Variants in SNTB1 observed in about 807,000 individuals in gnomAD.
SNTB1 encodes the protein syntrophin beta 1.
Under a neutral mutation model 48.9 loss-of-function variants are expected in SNTB1, and 36 were observed. The observed-to-expected ratio is 0.74, with a 90% CI of 0.56 to 0.97. SNTB1 has a LOEUF of 0.97. SNTB1 is among the 50% of genes least tolerant of loss of function. SNTB1 has a pLI of 0.00. For missense variants in SNTB1, 786 were observed against 703.4 expected, an observed-to-expected ratio of 1.12 and a Z score of -1.33; for synonymous variants, 299 against 294.6, an observed-to-expected ratio of 1.01 and a Z score of -0.15.
chr8:120,640,783 T>G (rs1817181533), intron 2 of SNTB1, among the ~76,000 whole-genome samples: 1 of 152,230 alleles, frequency 6.6e-6, no homozygotes, highest in Admixed American at 6.5e-5. Flanking sequence ...AGTTTGCCAG[T>G]ATTTTATTGA....
intron 2 of SNTB1, among the ~76,000 whole-genome samples, chr8:120,683,158 G>C (rs1261530072): frequency 6.6e-6 from 1 of 152,128 alleles, no homozygotes; most frequent in African/African-American, 2.4e-5. Context: ...TGGGATTACA[G>C]GCGTGAGCCA....
chr8:120,599,410 T>A lies in SNTB1; in HGVS notation c.997-24185A>T, dbSNP rs142152653. Reference sequence around the variant, plus strand: ...CCTTGTGTGCACATGCAGATTTTTTTAAAATATTTCTGAAGCTAATTGCTG... The same window carrying A: ...CCTTGTGTGCACATGCAGATTTTTTAAAAATATTTCTGAAGCTAATTGCTG... On this transcript the variant is annotated intron_variant, in intron 3 of 6. Coordinates refer to ENST00000517992, the MANE Select transcript of SNTB1 (RefSeq NM_021021.4). 2.1e-3 allele frequency among the ~76,000 whole-genome samples: 320 copies of A among 152,410 alleles called. 3 individuals are homozygous for A. Among genetic ancestry groups the A allele is most frequent in the African/African-American group, 6.8e-3 (281 of 41,600 alleles).
intron 2 of SNTB1, among the ~76,000 whole-genome samples, chr8:120,689,663 T>C (rs1016105737): frequency 1.3e-5 from 2 of 152,168 alleles, no homozygotes; most frequent in African/African-American, 4.8e-5. Flanking sequence ...TTCATTATTA[T>C]TTATTTTTGA....
In SNTB1 at chr8:120,614,430, G is replaced by A. The variant is rs146298888; in HGVS notation, c.996+18014C>T. ...CTTCTCTGGCATATTATGTCTTTCAGAGTGTGCTGGTAGAAATTCTTTACA... is the reference window on the plus strand; with the variant it reads ...CTTCTCTGGCATATTATGTCTTTCAAAGTGTGCTGGTAGAAATTCTTTACA... On this transcript the variant is annotated intron_variant, in intron 3 of 6. Coordinates refer to ENST00000517992, the MANE Select transcript of SNTB1 (RefSeq NM_021021.4). Among the ~76,000 whole-genome samples, 134 of 152,324 alleles carry A rather than the reference G, an allele frequency of 8.8e-4. 1 individual carries two copies. The highest frequency in any genetic ancestry group is 3.4e-3 in the Middle Eastern group (1 of 294).
At chr8:120,721,547 C>T (rs1818659045) in intron 1 of SNTB1, among the ~76,000 whole-genome samples, 1 of 152,194 alleles carries the variant, frequency 6.6e-6, no homozygotes, top group African/African-American at 2.4e-5. Flanking sequence ...CCTTACTACT[C>T]TAATTGGCTG....
intron 1 of SNTB1, among the ~76,000 whole-genome samples, chr8:120,791,569 C>G (rs1820036566): frequency 6.6e-6 from 1 of 151,962 alleles, no homozygotes; most frequent in Non-Finnish European, 1.5e-5. Context: ...TATCCAGAAT[C>G]TACAAGGAAC....
chr8:120,588,687 T>C (rs1816189613), intron 3 of SNTB1, among the ~76,000 whole-genome samples: 1 of 152,212 alleles, frequency 6.6e-6, no homozygotes. Context: ...TGTTTCCACA[T>C]CTGTAAAATG....
At chr8:120,632,045 AG>A (rs1337960605) in intron 3 of SNTB1, among the ~76,000 whole-genome samples, 1 of 152,200 alleles carries the variant, frequency 6.6e-6, no homozygotes, top group Non-Finnish European at 1.5e-5. Flanking sequence ...TCAAACAAAC[AG>A]GCTCATCAAA....
intron 3 of SNTB1, among the ~76,000 whole-genome samples, chr8:120,598,166 T>C (rs1816356501): frequency 6.6e-6 from 1 of 152,162 alleles, no homozygotes. Context: ...AATCCATTGT[T>C]TTCCTCTTGG....
chr8:120,766,945 T>G (rs910669313), intron 1 of SNTB1, among the ~76,000 whole-genome samples: 1 of 152,202 alleles, frequency 6.6e-6, no homozygotes, highest in Admixed American at 6.5e-5. Flanking sequence ...GGCATCTTAT[T>G]TCTAATTATA....
chr8:120,797,834 A>G (rs567438034), intron 1 of SNTB1, among the ~76,000 whole-genome samples: 4 of 151,990 alleles, frequency 2.6e-5, no homozygotes, highest in Non-Finnish European at 4.4e-5. Context: ...TATGTTATCA[A>G]TGAGAAAGTT....
At chr8:120,635,108 TA>T (rs1212488447) in intron 2 of SNTB1, among the ~76,000 whole-genome samples, 3 of 152,136 alleles carry the variant, frequency 2.0e-5, no homozygotes, top group Non-Finnish European at 4.4e-5. Context: ...GTCTCCCCAA[TA>T]AGATACAAAA....
intron 3 of SNTB1, among the ~76,000 whole-genome samples, chr8:120,590,427 G>C (rs903794420): frequency 1.3e-5 from 2 of 151,098 alleles, no homozygotes; most frequent in East Asian, 3.9e-4. Flanking sequence ...TAGGATTATT[G>C]TGACAATCAA....
chr8:120,646,850 A>G (rs1817306116), intron 2 of SNTB1, among the ~76,000 whole-genome samples: 1 of 151,900 alleles, frequency 6.6e-6, no homozygotes, highest in Non-Finnish European at 1.5e-5. Context: ...AGCTCCTGTT[A>G]TTGGTCTATT....
intron 1 of SNTB1, among the ~76,000 whole-genome samples, chr8:120,705,345 G>A (rs978143957): frequency 2.0e-5 from 3 of 152,166 alleles, no homozygotes. Flanking sequence ...TACAAGAAAC[G>A]GGATAGTAAA....
intron 3 of SNTB1, among the ~76,000 whole-genome samples, chr8:120,582,047 A>G (rs1158161485): frequency 6.6e-6 from 1 of 152,224 alleles, no homozygotes; most frequent in African/African-American, 2.4e-5. Context: ...AAAAACAAAA[A>G]TAAAAAACAA....
intron 1 of SNTB1, among the ~76,000 whole-genome samples, chr8:120,724,787 G>A (rs1296679481): frequency 6.6e-6 from 1 of 152,186 alleles, no homozygotes; most frequent in African/African-American, 2.4e-5. Flanking sequence ...GGAGGGAGAT[G>A]GAGCTGGGGA....
At chr8:120,547,718 C>T (rs992303372) in intron 5 of SNTB1, among the ~76,000 whole-genome samples, 1 of 151,946 alleles carries the variant, frequency 6.6e-6, no homozygotes, top group Admixed American at 6.6e-5. Flanking sequence ...CTTCTACACA[C>T]ATCTCCCATT....
chr8:120,668,785 T>C (rs1465978370), intron 2 of SNTB1, among the ~76,000 whole-genome samples: 1 of 152,182 alleles, frequency 6.6e-6, no homozygotes, highest in Non-Finnish European at 1.5e-5. Flanking sequence ...AAATTCAAAC[T>C]AAATGATTTT....
Sources: allele counts gnomAD v4.1 joint callset (sites outside exome capture counted in the v4.1 genomes callset), GRCh38; gene constraint gnomAD v4.1.1; transcripts MANE v1.5; gene names NCBI Gene and HGNC (gene_info 2026-07-23, HGNC 2026-07-21).